Variants in CHLSN observed in about 807,000 individuals in gnomAD.
CHLSN encodes cholesin, also known as protein cholesin.
the CHLSN span, among the ~76,000 whole-genome samples, chr7:1,006,406 C>G: frequency 1.4e-3 from 136 of 100,392 alleles, no homozygotes; most frequent in Middle Eastern, 6.4e-3. Context: ...GACGGCCATA[C>G]TGCAGGGAAA....
At chr7:1,064,259 G>C in the CHLSN span, among the ~76,000 whole-genome samples, 6 of 152,190 alleles carry the variant, frequency 3.9e-5, no homozygotes, top group African/African-American at 1.4e-4. Flanking sequence ...CTGATGGGCT[G>C]TGACGTGAAG....
At chr7:1,070,821 G>A in the CHLSN span, among the ~76,000 whole-genome samples, 1 of 105,836 alleles carries the variant, frequency 9.4e-6, no homozygotes, top group Non-Finnish European at 1.9e-5. Flanking sequence ...ACATCCACAC[G>A]TGCACACATA....
At chr7:1,065,998 C>G in the CHLSN span, among the ~76,000 whole-genome samples, 1 of 152,228 alleles carries the variant, frequency 6.6e-6, no homozygotes, top group Non-Finnish European at 1.5e-5. Flanking sequence ...GGGGCCCCGC[C>G]GAGGACCAGA....
chr7:1,030,985 C>G, the CHLSN span, among the ~76,000 whole-genome samples: 408 of 152,338 alleles, frequency 2.7e-3, no homozygotes, highest in African/African-American at 9.3e-3. Context: ...GTACCTAGTA[C>G]AGTCTCAAGG....
At chr7:1,101,432 G>T in the CHLSN span, among the ~76,000 whole-genome samples, 1 of 151,866 alleles carries the variant, frequency 6.6e-6, no homozygotes, top group South Asian at 2.1e-4. Flanking sequence ...GTCGGACCAG[G>T]GGCTGGCTCT....
At chr7:1,109,642 C>G in the CHLSN span, among the ~76,000 whole-genome samples, 1 of 152,056 alleles carries the variant, frequency 6.6e-6, no homozygotes, top group Non-Finnish European at 1.5e-5. Context: ...GCGTGGGCGA[C>G]GGAGCCTTTC....
At chr7:1,118,799 CAA>C in the CHLSN span, among the ~76,000 whole-genome samples, 685 of 76,110 alleles carry the variant, frequency 9.0e-3, 6 homozygotes, top group African/African-American at 0.031. Context: ...CCATCTCTAC[CAA>C]AAAAAAAAAA....
the CHLSN span, chr7:1,058,285 C>CGGTCATCATCTCGCGAGGGAAGCCCGT: frequency 3.9e-6 from 3 of 773,578 alleles, no homozygotes; most frequent in Admixed American, 1.7e-5. Flanking sequence ...CTGGGGCACA[C>CGGTCATCATCTCGCGAGGGAAGCCCGT]GGTCATCATC....
the CHLSN span, among the ~76,000 whole-genome samples, chr7:1,133,052 G>A: frequency 1.3e-5 from 2 of 152,172 alleles, no homozygotes; most frequent in Non-Finnish European, 2.9e-5. Context: ...ATCCATGGAC[G>A]AAGGGGGAAA....
chr7:1,113,299 C>A, the CHLSN span, among the ~76,000 whole-genome samples: 3 of 152,136 alleles, frequency 2.0e-5, no homozygotes, highest in Admixed American at 2.0e-4. Context: ...CCTGATGGCA[C>A]TGGCTTGCTG....
the CHLSN span, among the ~76,000 whole-genome samples, chr7:1,050,258 T>C: frequency 6.9e-6 from 1 of 145,804 alleles, no homozygotes; most frequent in Non-Finnish European, 1.6e-5. Context: ...AGGTGGTCTG[T>C]CAGGGGCTCT....
the CHLSN span, among the ~76,000 whole-genome samples, chr7:1,051,417 C>T: frequency 6.6e-6 from 1 of 152,208 alleles, no homozygotes; most frequent in Non-Finnish European, 1.5e-5. Flanking sequence ...GCGTGGGGAG[C>T]ACATTTGCTC....
chr7:1,008,846 C>CACGTAAAT, the CHLSN span, among the ~76,000 whole-genome samples: 43 of 148,846 alleles, frequency 2.9e-4, no homozygotes, highest in East Asian at 6.6e-3. Flanking sequence ...TACACACGCA[C>CACGTAAAT]ACACGTAAAC....
At chr7:1,118,165 AAGT>A in the CHLSN span, among the ~76,000 whole-genome samples, 1 of 152,216 alleles carries the variant, frequency 6.6e-6, no homozygotes, top group African/African-American at 2.4e-5. Context: ...AGAAACAAAA[AAGT>A]AGTTCTGCTT....
At chr7:997,832 AGGG>A in the CHLSN span, 37 of 1,406,604 alleles carry the variant, frequency 2.6e-5, no homozygotes, top group Non-Finnish European at 3.6e-5. Context: ...CGAGTTGGTC[AGGG>A]GCGGGGCAGG....
the CHLSN span, among the ~76,000 whole-genome samples, chr7:1,131,054 G>C: frequency 6.6e-6 from 1 of 152,150 alleles, no homozygotes; most frequent in South Asian, 2.1e-4. Context: ...GGCTACGCTT[G>C]GTGGTGCACA....
chr7:1,067,466 T>C, the CHLSN span, among the ~76,000 whole-genome samples: 68 of 13,844 alleles, frequency 4.9e-3, no homozygotes, highest in Middle Eastern at 0.028. Flanking sequence ...CTGGAGTACA[T>C]CCAGAGGTGC....
the CHLSN span, among the ~76,000 whole-genome samples, chr7:1,053,973 A>C: frequency 1.3e-5 from 2 of 152,216 alleles, no homozygotes; most frequent in African/African-American, 4.8e-5. Context: ...GCCAGAGAGG[A>C]GGCGGGTCAA....
the CHLSN span, among the ~76,000 whole-genome samples, chr7:1,068,006 C>T: frequency 7.2e-5 from 11 of 152,288 alleles, no homozygotes; most frequent in East Asian, 1.7e-3. Flanking sequence ...AGTCACAAAC[C>T]CAGAGCTGCG....
Sources: allele counts gnomAD v4.1 joint callset (sites outside exome capture counted in the v4.1 genomes callset), GRCh38; gene constraint gnomAD v4.1.1; transcripts MANE v1.5; gene names NCBI Gene and HGNC (gene_info 2026-07-23, HGNC 2026-07-21).